HDAC6: variants seen among roughly 807,000 people sequenced by gnomAD.
HDAC6 encodes the protein histone deacetylase 6, also known as protein deacetylase HDAC6.
Under a neutral mutation model 88.9 loss-of-function variants are expected in HDAC6, and 5 were observed. The observed-to-expected ratio is 0.06, with a 90% CI of 0.03 to 0.12. The LOEUF (loss-of-function observed/expected upper bound fraction) is 0.12. Ranked by LOEUF, HDAC6 falls within the 10% of genes least tolerant of loss-of-function variation. The pLI, the probability that HDAC6 is intolerant of heterozygous loss-of-function variation, is 1.00. For synonymous variants in HDAC6, 378 were observed against 398.0 expected, an observed-to-expected ratio of 0.95 and a Z score of 0.60; for missense variants, 706 against 1,014.4, an observed-to-expected ratio of 0.70 and a Z score of 4.13.
At position 48,823,046 on chromosome X, in the gene HDAC6, ACCT is replaced by A. The variant is rs782714108; in HGVS notation, c.2649_2651del (p.Ser884del). On this transcript the variant is annotated inframe_deletion, in exon 25 of 29. Transcript: ENST00000334136. ...TCTGGAAGCAGGCATGGGGAAAGTC[ACCT>A]CGGCATCATTTGGGGAAGAGTCCAC... 1 of 1,209,260 alleles carries A rather than the reference ACCT, an allele frequency of 8.3e-7. No individual in the cohort carries two copies. Among genetic ancestry groups the A allele is most frequent in the African/African-American group, 1.8e-5 (1 of 56,955 alleles).
At chrX:48,803,373 TAACA>T (rs2062760025) in intron 4 of HDAC6, 157 bp downstream of exon 4, 1 of 455,712 alleles carries the variant, frequency 2.2e-6, no homozygotes, top group Non-Finnish European at 3.8e-6. Context: ...TTTATGTAGC[TAACA>T]AACATTTATT....
At chrX:48,802,183 G>T in intron 1 of HDAC6, 41 bp downstream of exon 1, 1 of 877,151 alleles carries the variant, frequency 1.1e-6, no homozygotes, top group Non-Finnish European at 1.4e-6. Context: ...TAAGTGAATC[G>T]TTAAGGGTGG....
At position 48,823,280 on chromosome X, in the gene HDAC6, A is replaced by G; in HGVS notation, c.2881A>G (p.Ile961Val). The change falls in exon 25 of 29, where the codon ATT becomes GTT. Residue 961 changes from isoleucine to valine, a missense_variant. Ile to Val is a conservative substitution (Grantham distance 29). This residue lies in a region of HDAC6 where 89 missense variants were observed against 90.9 expected (regional missense o/e 0.98). Transcript: ENST00000334136. Reference protein sequence around the residue: ...TTSEETVGGAILDQTTSEDAV... With the variant: ...TTSEETVGGAVLDQTTSEDAV... The stretch of plus-strand genomic sequence containing the variant: ...CTCAGAGGAGACTGTGGGAGGAGCC[A>G]TTCTGGACCAGACCACCTCAGAGGA... The G allele has an allele frequency of 8.3e-7, 1 of 1,202,681 alleles. No individual in the cohort carries two copies. The highest frequency in any genetic ancestry group is 1.1e-6 in the Non-Finnish European group (1 of 890,724).
chrX:48,803,899 C>T (rs782158440), intron 4 of HDAC6, among the ~76,000 whole-genome samples: 15 of 112,391 alleles, frequency 1.3e-4, no homozygotes, highest in Non-Finnish European at 1.7e-4. Flanking sequence ...TGGTGGCTCA[C>T]GCCTATAATC....
chrX:48,816,247 G>T lies in HDAC6; in HGVS notation c.1600G>T (p.Ala534Ser). The T allele has an allele frequency of 8.3e-7, 1 of 1,211,102 alleles. No individual in the cohort carries two copies. Among genetic ancestry groups the T allele is most frequent in the Non-Finnish European group, 1.1e-6 (1 of 895,334 alleles). Residue 534 changes from alanine (A) to serine (S), a missense_variant, in exon 18 of 29, where the codon GCT becomes TCT. Around this residue, in one of 9 missense-constraint regions of HDAC6, gnomAD observed 138 missense variants for 303.5 expected, o/e 0.45. Coordinates refer to ENST00000334136, the MANE Select transcript of HDAC6 (RefSeq NM_006044.4). ...LTLTPRPATE[A>S]ELLTCHSAEY... is the part of the protein sequence containing the mutation. ...CCTGACACCGCGCCCTGCCACAGAG[G>T]CTGAGCTGCTCACCTGTCACAGGTC...
chrX:48,822,847 G>A, intron 24 of HDAC6, 53 bp downstream of exon 24: 1 of 1,163,658 alleles, frequency 8.6e-7, no homozygotes, highest in Non-Finnish European at 1.2e-6. Context: ...GGGGCTGAGG[G>A]GCAGAGATCA....
chrX:48,803,375 AC>A (rs2062760109), intron 4 of HDAC6, 159 bp downstream of exon 4: 8 of 452,557 alleles, frequency 1.8e-5, no homozygotes, highest in Non-Finnish European at 2.7e-5. Flanking sequence ...TATGTAGCTA[AC>A]AAACATTTAT....
intron 18 of HDAC6, 27 bp downstream of exon 18, chrX:48,816,296 G>A (rs782784005): frequency 2.3e-5 from 28 of 1,192,153 alleles, no homozygotes; most frequent in Non-Finnish European, 2.8e-5. Context: ...TGGGGTGGGT[G>A]GATTCCCAGG....
chrX:48,802,202 C>A, intron 1 of HDAC6, 60 bp downstream of exon 1: 1 of 870,343 alleles, frequency 1.1e-6, no homozygotes, highest in Non-Finnish European at 1.4e-6. Context: ...GGAGTCGAAA[C>A]CGGGGTCGGG....
At position 48,806,397 on chromosome X, in the gene HDAC6, C is replaced by T; in HGVS notation, c.467C>T (p.Thr156Ile). 1 of 1,195,541 alleles carries T rather than the reference C, an allele frequency of 8.4e-7. No individual in the cohort carries two copies. The highest frequency in any genetic ancestry group is 1.1e-6 in the Non-Finnish European group (1 of 880,632). Residue 156 changes from threonine to isoleucine, a missense_variant, in exon 7 of 29, where the codon ACC becomes ATC. By Grantham distance (89) the Thr-to-Ile change is moderately conservative (BLOSUM62 -1). This residue lies in a region of HDAC6 where 193 missense variants were observed against 258.2 expected (regional missense o/e 0.75). Transcript: ENST00000334136. ...SLEYIDLMET[T>I]QYMNEGELRV... ...GAATATATTGATCTGATGGAAACAA[C>T]CCAGTACATGAATGAGGGAGAACTC...
Position 48,824,307 on chromosome X carries a change from T to C in HDAC6, c.3579+13T>C. Reference sequence around the variant, plus strand: ...TGTCCACCACCAGGTGGGCCCTGGGTAGACCCTTCGACACGTGCACACTCA... The same window carrying C: ...TGTCCACCACCAGGTGGGCCCTGGGCAGACCCTTCGACACGTGCACACTCA... On this transcript the variant is annotated intron_variant, in intron 28 of 28. Transcript: ENST00000334136. The C allele has an allele frequency of 8.3e-7, 1 of 1,203,603 alleles. No individual in the cohort carries two copies. Among genetic ancestry groups the C allele is most frequent in the Non-Finnish European group, 1.1e-6 (1 of 891,551 alleles).
intron 4 of HDAC6, 37 bp downstream of exon 4, chrX:48,803,253 A>G: frequency 9.9e-7 from 1 of 1,008,883 alleles, no homozygotes; most frequent in Non-Finnish European, 1.4e-6. Flanking sequence ...CCAAACCACA[A>G]AAATACACAC....
In HDAC6 at chrX:48,808,133, C is replaced by T. The variant is rs1569502867; in HGVS notation, c.733C>T (p.Arg245Trp). Residue 245 changes from arginine to tryptophan, a missense_variant, in exon 9 of 29, where the codon CGG becomes TGG. By Grantham distance (101) the Arg-to-Trp change is moderately radical (BLOSUM62 -3). Coordinates refer to ENST00000334136, the MANE Select transcript of HDAC6 (RefSeq NM_006044.4). ...CTATGCTCAACAGAAACACCGCATC[C>T]GGAGGTCAGCAACAGAGGGCAGATG... ...ARYAQQKHRI[R>W]RVLIVDWDVH... is the part of the protein sequence containing the mutation. 6 of 1,197,983 alleles carry T rather than the reference C, an allele frequency of 5.0e-6. No homozygotes were observed. The highest frequency in any genetic ancestry group is 1.7e-5 in the African/African-American group (1 of 57,442).
rs782481901 is a variant in HDAC6, at chrX:48,806,589, G to T, written c.535-20G>T. 1 of 1,154,712 alleles carries T rather than the reference G, an allele frequency of 8.7e-7. No individual in the cohort carries two copies. Among genetic ancestry groups the T allele is most frequent in the South Asian group, 1.8e-5 (1 of 55,184 alleles). On this transcript the variant is annotated intron_variant, in intron 7 of 28. Coordinates refer to ENST00000334136, the MANE Select transcript of HDAC6 (RefSeq NM_006044.4). ...TGTTCTCTCCCTTACTCCCTTTCTGGCTCCCCACTGTCTCTCCAGAACTCA... is the reference window on the plus strand; with the variant it reads ...TGTTCTCTCCCTTACTCCCTTTCTGTCTCCCCACTGTCTCTCCAGAACTCA...
At chrX:48,818,558 C>A (rs940546103) in intron 22 of HDAC6, 146 bp downstream of exon 22, 6 of 468,508 alleles carry the variant, frequency 1.3e-5, no homozygotes, top group African/African-American at 1.2e-4. Context: ...GCTACCAGGG[C>A]AGTTGGTGGC....
intron 23 of HDAC6, among the ~76,000 whole-genome samples, chrX:48,821,528 A>T: frequency 2.4e-5 from 2 of 83,459 alleles, no homozygotes; most frequent in Non-Finnish European, 4.4e-5. Flanking sequence ...TTTGAGACAG[A>T]GTCTCGCCGT....
chrX:48,815,338 C>A, intron 14 of HDAC6, 46 bp from the exon 15 acceptor site: 2 of 887,996 alleles, frequency 2.3e-6, no homozygotes, highest in Non-Finnish European at 3.2e-6. Flanking sequence ...ATTCCCTGGT[C>A]ATGTCTGGTC....
intron 22 of HDAC6, among the ~76,000 whole-genome samples, chrX:48,818,889 C>T (rs1190679051): frequency 8.9e-6 from 1 of 112,309 alleles, no homozygotes; most frequent in Non-Finnish European, 1.9e-5. Context: ...TGACAGCAGT[C>T]ACTGTCTGGC....
chrX:48,810,152 T>C (rs1207322352), intron 10 of HDAC6, among the ~76,000 whole-genome samples: 2 of 109,470 alleles, frequency 1.8e-5, no homozygotes, highest in Non-Finnish European at 1.9e-5. Flanking sequence ...CATAGCCCAC[T>C]GTAACCTCAA....
Sources: allele counts gnomAD v4.1 joint callset (sites outside exome capture counted in the v4.1 genomes callset), GRCh38; gene constraint gnomAD v4.1.1; regional missense constraint gnomAD v4.1.1; transcripts MANE v1.5; gene names NCBI Gene and HGNC (gene_info 2026-07-23, HGNC 2026-07-21).